The following HDAC7 variants were observed in gnomAD, a reference collection of about 807,000 sequenced individuals.
The protein encoded by HDAC7 is histone deacetylase 7, also known as histone deacetylase 7A.
In HDAC7, 26 loss-of-function variants were observed where a neutral mutation model predicts 115.5. That is an observed-to-expected ratio of 0.23 (90% CI 0.16 to 0.31). The LOEUF (loss-of-function observed/expected upper bound fraction) is 0.31. HDAC7 is among the 10% of genes least tolerant of loss of function. The pLI is 1.00. For missense variants in HDAC7, 1,068 were observed against 1,329.0 expected, an observed-to-expected ratio of 0.80 and a Z score of 3.05; for synonymous variants, 564 against 550.9, an observed-to-expected ratio of 1.02 and a Z score of -0.33.
At chr12:47,810,804 G>GTCTCTC (rs60132211) in intron 1 of HDAC7, among the ~76,000 whole-genome samples, 3,295 of 131,286 alleles carry the variant, frequency 0.025, 79 homozygotes, top group African/African-American at 0.042. Context: ...GGAGGAAAAG[G>GTCTCTC]TCTCTCTCTC....
Position 47,793,335 on chromosome 12 carries a change from C to CAACCAA in HDAC7, c.1678+33_1678+34insTTGGTT. 7.5e-7 allele frequency: 1 copy of CAACCAA among 1,332,074 alleles called. No homozygotes were observed. Among genetic ancestry groups the CAACCAA allele is most frequent in the Non-Finnish European group, 1.0e-6 (1 of 975,466 alleles). The allele number at this position is 1,332,074 out of a possible 1,614,324, so 82.5% of individuals were successfully genotyped here. A position where few individuals can be genotyped will look rare whatever the true frequency, so the allele number is the denominator to read the frequency against. ...CACATGGACTCGTGCAGCCGAGCCC[C>CAACCAA]TCCCTCCACCCGCCACCCTCCTCCC... is the stretch of plus-strand genomic sequence containing the variant. On this transcript the variant is annotated intron_variant, in intron 13 of 25. Transcript: ENST00000080059. This position sits in a 1 kb window ranked among gnomAD's most constrained non-coding sequence, Gnocchi z 4.5.
rs772356335 is a variant in HDAC7, at chr12:47,789,585, A to G, written c.2092-7T>C. ...GCACCACAGCGAAACCATTCTGGAAAAAGAAAGAATGCTTGTCAATCAACA... is the reference window on the plus strand; with the variant it reads ...GCACCACAGCGAAACCATTCTGGAAGAAGAAAGAATGCTTGTCAATCAACA... On this transcript the variant is annotated splice_polypyrimidine_tract_variant and splice_region_variant and intron_variant, in intron 17 of 25. Transcript: ENST00000080059. 8 of 1,614,132 alleles carry G rather than the reference A, an allele frequency of 5.0e-6. No homozygotes were observed. The East Asian group carries it at 1.6e-4, about 31-fold the overall frequency.
At chr12:47,801,941 GCTT>G (rs1944185599) in intron 2 of HDAC7, among the ~76,000 whole-genome samples, 1 of 152,190 alleles carries the variant, frequency 6.6e-6, no homozygotes, top group African/African-American at 2.4e-5. Flanking sequence ...ATAAATATTA[GCTT>G]CTTACTTTCC....
chr12:47,798,710 T>C lies in HDAC7; in HGVS notation c.259-58A>G. The C allele has an allele frequency of 6.4e-7, 1 of 1,574,604 alleles. No individual in the cohort carries two copies. The highest frequency in any genetic ancestry group is 8.6e-7 in the Non-Finnish European group (1 of 1,158,786). On this transcript the variant is annotated intron_variant, in intron 3 of 25. Coordinates refer to ENST00000080059, the MANE Select transcript of HDAC7 (RefSeq NM_015401.5). This position sits in a 1 kb window ranked among gnomAD's most constrained non-coding sequence, Gnocchi z 4.3. Reference sequence around the variant, plus strand: ...AAGGAGTTGAGGACTGAGACTGGTGTCTAGGGATGCTGAAGGCGGGGAGGC... The same window carrying C: ...AAGGAGTTGAGGACTGAGACTGGTGCCTAGGGATGCTGAAGGCGGGGAGGC...
At chr12:47,805,204 G>A (rs1944345437) in intron 1 of HDAC7, among the ~76,000 whole-genome samples, 1 of 151,736 alleles carries the variant, frequency 6.6e-6, no homozygotes, top group African/African-American at 2.4e-5. Flanking sequence ...CAGAGTAGCT[G>A]GGACTACAGT....
rs983528681 is a variant in HDAC7 at position 47,789,419 on chromosome 12, G to C, written c.2148-71C>G. 108 of 1,577,954 alleles carry C rather than the reference G, an allele frequency of 6.8e-5. No homozygotes were observed. In the East Asian group the frequency reaches 2.4e-3, roughly 35 times the overall value. ...CTCACCTCCCCAGGCCCCTGGGTTG[G>C]CCCAGCCTGAGAAAGCTCAGGGAAG... is the stretch of plus-strand genomic sequence containing the variant. On this transcript the variant is annotated intron_variant, in intron 18 of 25. Coordinates refer to ENST00000080059, the MANE Select transcript of HDAC7 (RefSeq NM_015401.5).
intron 1 of HDAC7, among the ~76,000 whole-genome samples, chr12:47,817,055 T>C (rs905581437): frequency 6.6e-6 from 1 of 152,196 alleles, no homozygotes; most frequent in Non-Finnish European, 1.5e-5. Context: ...CACCTTCCTG[T>C]AGCCCTAAGG....
chr12:47,797,908 G>C lies in HDAC7; in HGVS notation c.461+200C>G, dbSNP rs1943952310. On this transcript the variant is annotated intron_variant, in intron 5 of 25. Transcript: ENST00000080059. This position sits in a 1 kb window ranked among gnomAD's most constrained non-coding sequence, Gnocchi z 5.5. ...TGTGTGTGTGTGTGAGAAGGGCTCAGGTGGGGTGGGGAGAATTTAAAGAGA... is the reference window on the plus strand; with the variant it reads ...TGTGTGTGTGTGTGAGAAGGGCTCACGTGGGGTGGGGAGAATTTAAAGAGA... Among the ~76,000 whole-genome samples, 1 of 149,184 alleles carries C rather than the reference G, an allele frequency of 6.7e-6. No homozygotes were observed. The highest frequency in any genetic ancestry group is 2.5e-5 in the African/African-American group (1 of 40,700).
chr12:47,785,589 C>T, intron 23 of HDAC7, 118 bp from the exon 24 acceptor site: 1 of 1,359,168 alleles, frequency 7.4e-7, no homozygotes, highest in Non-Finnish European at 1.0e-6. Flanking sequence ...CCAGGAGATG[C>T]TGCCTGGACC....
In HDAC7 at chr12:47,798,702, G is replaced by A. The variant is rs536009556; in HGVS notation, c.259-50C>T. 4.4e-6 allele frequency: 7 copies of A among 1,581,584 alleles called. No individual in the cohort carries two copies. The South Asian group carries it at 8.0e-5, about 18-fold the overall frequency. On this transcript the variant is annotated intron_variant, in intron 3 of 25. Transcript: ENST00000080059. The surrounding 1 kb of genome is among the most constrained non-coding windows in gnomAD (Gnocchi z 4.3). ...AAAGGGACAAGGAGTTGAGGACTGA[G>A]ACTGGTGTCTAGGGATGCTGAAGGC...
intron 1 of HDAC7, among the ~76,000 whole-genome samples, chr12:47,814,115 CAG>C (rs757965079): frequency 1.3e-5 from 2 of 152,210 alleles, no homozygotes; most frequent in African/African-American, 2.4e-5. Flanking sequence ...CCTCTGGTCT[CAG>C]AGTCTCCCCC....
chr12:47,818,801 C>G (rs967267641), intron 1 of HDAC7, among the ~76,000 whole-genome samples: 6 of 152,176 alleles, frequency 3.9e-5, no homozygotes, highest in African/African-American at 1.4e-4. Context: ...TTTGGGTGCG[C>G]AAGACAGCCA....
chr12:47,799,617 T>A (rs1944065382), intron 2 of HDAC7, among the ~76,000 whole-genome samples: 1 of 152,246 alleles, frequency 6.6e-6, no homozygotes, highest in Admixed American at 6.5e-5. Flanking sequence ...AGGGCCCATG[T>A]GTCCTTGGGC....
In HDAC7 at chr12:47,797,102, C is replaced by G; in HGVS notation, c.618G>C (p.Lys206Asn). Residue 206 changes from lysine to asparagine, a missense_variant, in exon 7 of 26, where the codon AAG becomes AAC. Physicochemically the swap from Lys to Asn is moderately conservative, Grantham distance 94. Around this residue, in one of 6 missense-constraint regions of HDAC7, gnomAD observed 618 missense variants for 701.5 expected, o/e 0.88. Transcript: ENST00000080059. This position sits in a 1 kb window ranked among gnomAD's most constrained non-coding sequence, Gnocchi z 5.5. ...GTGGATTCTTCCTCCGCTCCAGGGA[C>G]TTCTTGGGCTTATAGCGCAGCTTCA... Reference protein sequence around the residue: ...PNLKLRYKPKKSLERRKNPLL... With the variant: ...PNLKLRYKPKNSLERRKNPLL... 1 of 1,608,540 alleles carries G rather than the reference C, an allele frequency of 6.2e-7. No homozygotes were observed. The highest frequency in any genetic ancestry group is 8.5e-7 in the Non-Finnish European group (1 of 1,177,600).
intron 20 of HDAC7, 117 bp from the exon 21 acceptor site, chr12:47,787,926 T>G: frequency 6.4e-7 from 1 of 1,552,968 alleles, no homozygotes; most frequent in Non-Finnish European, 8.8e-7. Flanking sequence ...GTGGGGAAGT[T>G]TAGGATCAGA....
Position 47,793,491 on chromosome 12 carries a change from G to A in HDAC7, c.1556C>T (p.Pro519Leu), listed in dbSNP as rs1943643826. The A allele has an allele frequency of 1.3e-6, 2 of 1,550,222 alleles. No individual in the cohort carries two copies. The highest frequency in any genetic ancestry group is 1.7e-6 in the Non-Finnish European group (2 of 1,147,504). Residue 519 changes from proline to leucine, a missense_variant, in exon 13 of 26, where the codon CCT (proline) becomes CTT (leucine). Transcript: ENST00000080059. This position sits in a 1 kb window ranked among gnomAD's most constrained non-coding sequence, Gnocchi z 4.5. ...LLPLAQGGHRPLSRAQSSPAA... is the reference protein window; with the variant it reads ...LLPLAQGGHRLLSRAQSSPAA... ...TGGGGAAGACTGAGCCCGGGACAGAGGCCGGTGCCCACCCTGGGCCAGAGG... is the reference window on the plus strand; with the variant it reads ...TGGGGAAGACTGAGCCCGGGACAGAAGCCGGTGCCCACCCTGGGCCAGAGG...
At chr12:47,809,904 A>T (rs1041011995) in intron 1 of HDAC7, among the ~76,000 whole-genome samples, 1 of 151,920 alleles carries the variant, frequency 6.6e-6, no homozygotes, top group Non-Finnish European at 1.5e-5. Context: ...TATTGCAAGT[A>T]GTCCTCACAA....
intron 1 of HDAC7, chr12:47,813,524 G>T (rs1401774840): frequency 6.6e-6 from 1 of 152,382 alleles, no homozygotes; most frequent in African/African-American, 2.4e-5. Flanking sequence ...GGGGATTGGA[G>T]TTCCCCTACG....
At chr12:47,799,920 G>C (rs997973372) in intron 2 of HDAC7, among the ~76,000 whole-genome samples, 5 of 152,190 alleles carry the variant, frequency 3.3e-5, no homozygotes, top group African/African-American at 1.2e-4. Flanking sequence ...GGCCCCATGG[G>C]AGGGCACACA....
Sources: allele counts gnomAD v4.1 joint callset (sites outside exome capture counted in the v4.1 genomes callset), GRCh38; gene constraint gnomAD v4.1.1; regional missense constraint gnomAD v4.1.1; non-coding constraint Gnocchi (gnomAD v3.1); transcripts MANE v1.5; gene names NCBI Gene and HGNC (gene_info 2026-07-23, HGNC 2026-07-21).